PUF60: variants seen among roughly 807,000 people sequenced by gnomAD.
The protein encoded by PUF60 is poly(U)-binding-splicing factor PUF60.
A neutral mutation model predicts 61.8 loss-of-function variants in PUF60; 10 were observed. That is an observed-to-expected ratio of 0.16 (90% CI 0.10 to 0.27). The LOEUF (loss-of-function observed/expected upper bound fraction) is 0.27, where lower values mean the gene tolerates loss of function less well. Among genes scored for constraint, PUF60 ranks in the 10% least tolerant of loss-of-function variants. PUF60 has a pLI of 1.00. For missense variants in PUF60, 371 were observed against 754.0 expected, an observed-to-expected ratio of 0.49 and a Z score of 5.95; for synonymous variants, 353 against 300.9, an observed-to-expected ratio of 1.17 and a Z score of -1.79.
At chr8:143,829,112 G>GCGCGCGCCCGC (rs2130476987) in intron 1 of PUF60, 168 bp downstream of exon 1, 1 of 1,154,632 alleles carries the variant, frequency 8.7e-7, no homozygotes, top group African/African-American at 1.6e-5. Context: ...CCGGCCGCCG[G>GCGCGCGCCCGC]CGCGCGCCCG....
intron 4 of PUF60, among the ~76,000 whole-genome samples, chr8:143,820,944 G>T (rs188304129): frequency 6.6e-6 from 1 of 152,144 alleles, no homozygotes; most frequent in East Asian, 1.9e-4. Context: ...AAGGAAGGGA[G>T]GGAGGAAGGG....
chr8:143,827,031 C>T (rs941374656), intron 1 of PUF60: 35 of 283,406 alleles, frequency 1.2e-4, no homozygotes, highest in Non-Finnish European at 2.0e-4. Context: ...CTGCTTACTG[C>T]GTGCCCAGGC....
intron 1 of PUF60, among the ~76,000 whole-genome samples, chr8:143,828,247 T>C (rs1817864106): frequency 1.3e-5 from 2 of 152,352 alleles, no homozygotes; most frequent in Admixed American, 1.3e-4. Flanking sequence ...AATGGCAGTC[T>C]AAGGACACTC....
At chr8:143,823,115 C>A in intron 2 of PUF60, 1 of 165,502 alleles carries the variant, frequency 6.0e-6, no homozygotes, top group Non-Finnish European at 1.3e-5. Context: ...AGGTCAAAGG[C>A]TGGCTGTGGG....
At position 143,817,821 on chromosome 8, in the gene PUF60, C is replaced by T. The variant is rs190703462; in HGVS notation, c.818-39G>A. 3.1e-6 allele frequency: 5 copies of T among 1,607,488 alleles called. No individual in the cohort carries two copies. Among genetic ancestry groups the T allele is most frequent in the African/African-American group, 2.7e-5 (2 of 74,946 alleles). ...CAGCAGTGAGCAGGGCCAGCCCCAG[C>T]CTCAGGTGGCCCCCATCCCGCCTCA... On this transcript the variant is annotated intron_variant, in intron 8 of 11. Coordinates refer to ENST00000526683, the MANE Select transcript of PUF60 (RefSeq NM_078480.3). This position sits in a 1 kb window ranked among gnomAD's most constrained non-coding sequence, Gnocchi z 7.4.
chr8:143,817,681 T>C lies in PUF60; in HGVS notation c.919A>G (p.Met307Val), dbSNP rs1816520727. Residue 307 changes from methionine to valine, a missense_variant, in exon 9 of 12, where the codon ATG becomes GTG. This residue lies in a region of PUF60 where 17 missense variants were observed against 19.2 expected (regional missense o/e 0.89). Transcript: ENST00000526683. This position sits in a 1 kb window ranked among gnomAD's most constrained non-coding sequence, Gnocchi z 7.4. ...LRVGKAVTPP[M>V]PLLTPATPGG... is the part of the protein sequence containing the mutation. ...GGCGTGGCTGGTGTGAGTAGGGGCA[T>C]GGGCGGTGTGACAGCCTTGCCCACC... 1 of 1,612,622 alleles carries C rather than the reference T, an allele frequency of 6.2e-7. No individual in the cohort carries two copies. The highest frequency in any genetic ancestry group is 8.5e-7 in the Non-Finnish European group (1 of 1,179,858).
Position 143,824,417 on chromosome 8 carries a change from ATGT to A in PUF60, c.25-21_25-19del, listed in dbSNP as rs1375190480. On this transcript the variant is annotated intron_variant, in intron 1 of 11. Transcript: ENST00000526683. The stretch of plus-strand genomic sequence containing the variant: ...TTGACCTGCTGCAGGCAGGAAGGAG[ATGT>A]TGTAACGACAGGCACACCACCCCAC... 3.7e-6 allele frequency: 6 copies of A among 1,609,358 alleles called. No individual in the cohort carries two copies. Among genetic ancestry groups the A allele is most frequent in the Non-Finnish European group, 4.2e-6 (5 of 1,179,318 alleles).
At position 143,817,794 on chromosome 8, in the gene PUF60, A is replaced by C; in HGVS notation, c.818-12T>G. ...GGCCTTCTCGTACTCTGTGGGCAGGAGCAGCAGTGAGCAGGGCCAGCCCCA... is the reference window on the plus strand; with the variant it reads ...GGCCTTCTCGTACTCTGTGGGCAGGCGCAGCAGTGAGCAGGGCCAGCCCCA... On this transcript the variant is annotated splice_polypyrimidine_tract_variant and intron_variant, in intron 8 of 11. Transcript: ENST00000526683. This position sits in a 1 kb window ranked among gnomAD's most constrained non-coding sequence, Gnocchi z 7.4. 6.2e-7 allele frequency: 1 copy of C among 1,607,734 alleles called. No homozygotes were observed. The highest frequency in any genetic ancestry group is 8.5e-7 in the Non-Finnish European group (1 of 1,177,602).
rs753578133 is a variant in PUF60, at chr8:143,824,377, C to A, written c.47G>T (p.Gly16Val). ...CGCCGCCGCCGCCGGCTCGGACCCC[C>A]CTCCTTGCTGGCCATTGACCTGCTG... The part of the protein sequence containing the change: ...IALQVNGQQG[G>V]GSEPAAAAAV... The change falls in exon 2 of 12, where the codon GGG becomes GTG. Residue 16 changes from glycine (G) to valine (V), a missense_variant. Physicochemically the swap from Gly to Val is moderately radical, Grantham distance 109. Coordinates refer to ENST00000526683, the MANE Select transcript of PUF60 (RefSeq NM_078480.3). 3.7e-6 allele frequency: 6 copies of A among 1,612,272 alleles called. No individual in the cohort carries two copies. Among genetic ancestry groups the A allele is most frequent in the African/African-American group, 1.3e-5 (1 of 74,926 alleles).
At chr8:143,822,691 G>T in intron 2 of PUF60, 1 of 407,376 alleles carries the variant, frequency 2.5e-6, no homozygotes, top group African/African-American at 2.1e-5. Flanking sequence ...TGCCAACCAG[G>T]ATTATGTTTA....
intron 2 of PUF60, 72 bp downstream of exon 2, chr8:143,824,241 G>A: frequency 6.9e-7 from 1 of 1,449,278 alleles, no homozygotes; most frequent in South Asian, 1.3e-5. Context: ...TGGGCCCAGG[G>A]ACGCACAGGC....
chr8:143,818,563 C>T lies in PUF60; in HGVS notation c.349-29G>A, dbSNP rs1409050406. On this transcript the variant is annotated intron_variant, in intron 5 of 11. Transcript: ENST00000526683. This position sits in a 1 kb window ranked among gnomAD's most constrained non-coding sequence, Gnocchi z 7.9. ...CAGCAGGACAGAGGGGAGAGAACCGCTGGCTCGTCAGGGGCGGCAGGAAGC... is the reference window on the plus strand; with the variant it reads ...CAGCAGGACAGAGGGGAGAGAACCGTTGGCTCGTCAGGGGCGGCAGGAAGC... 1.1e-5 allele frequency: 17 copies of T among 1,547,318 alleles called. No homozygotes were observed. Among genetic ancestry groups the T allele is most frequent in the Non-Finnish European group, 1.5e-5 (17 of 1,144,114 alleles).
At position 143,818,697 on chromosome 8, in the gene PUF60, C is replaced by T. The variant is rs1192920145; in HGVS notation, c.349-163G>A. ...ATCCCTGCAGTCATAGTGTGGGGGT[C>T]GCAGGACCCCGCCACCCAAAGAAGG... On this transcript the variant is annotated intron_variant, in intron 5 of 11. Transcript: ENST00000526683. This position sits in a 1 kb window ranked among gnomAD's most constrained non-coding sequence, Gnocchi z 7.9. The T allele has an allele frequency of 9.6e-6, 7 of 731,740 alleles. No individual in the cohort carries two copies. Among genetic ancestry groups the T allele is most frequent in the Admixed American group, 6.1e-5 (2 of 33,004 alleles). 45.3% of individuals were successfully genotyped at this position (731,740 alleles called of 1,614,324 possible).
chr8:143,829,220 G>A, intron 1 of PUF60, 60 bp downstream of exon 1: 2 of 1,236,376 alleles, frequency 1.6e-6, no homozygotes, highest in Non-Finnish European at 2.0e-6. Context: ...GCCCAGGCTG[G>A]GTCGACGACC....
chr8:143,818,008 G>A lies in PUF60; in HGVS notation c.671C>T (p.Ala224Val). The A allele has an allele frequency of 1.9e-6, 3 of 1,612,868 alleles. No individual in the cohort carries two copies. Among genetic ancestry groups the A allele is most frequent in the Non-Finnish European group, 2.5e-6 (3 of 1,179,850 alleles). Residue 224 changes from alanine to valine, a missense_variant, in exon 8 of 12, where the codon GCC becomes GTC. By Grantham distance (64) the Ala-to-Val change is moderately conservative. Transcript: ENST00000526683. This position sits in a 1 kb window ranked among gnomAD's most constrained non-coding sequence, Gnocchi z 7.9. ...IIDQLAEEAR[A>V]FNRIYVASVH... ...AGAGGCCACGTAGATGCGGTTGAAG[G>A]CCCGTGCCTCCTCAGCCAACTGGTC...
At chr8:143,819,651 C>T (rs1227102651) in intron 5 of PUF60, among the ~76,000 whole-genome samples, 6 of 152,300 alleles carry the variant, frequency 3.9e-5, no homozygotes, top group East Asian at 1.9e-4. Context: ...TCCCTGAAAA[C>T]GAGACTGTGT....
At chr8:143,828,537 C>G (rs983117220) in intron 1 of PUF60, among the ~76,000 whole-genome samples, 27 of 152,314 alleles carry the variant, frequency 1.8e-4, no homozygotes, top group African/African-American at 5.8e-4. Flanking sequence ...GAGCAGGGGG[C>G]GACTCACTCC....
chr8:143,818,088 C>A lies in PUF60; in HGVS notation c.604-13G>T. 6.2e-7 allele frequency: 1 copy of A among 1,610,056 alleles called. No individual in the cohort carries two copies. The highest frequency in any genetic ancestry group is 8.5e-7 in the Non-Finnish European group (1 of 1,178,526). ...TGGGTCTGCCCACCTGGGGAAGAGG[C>A]GGTGAGATGGAAAGACCGGTCAACC... On this transcript the variant is annotated splice_polypyrimidine_tract_variant and intron_variant, in intron 7 of 11. Coordinates refer to ENST00000526683, the MANE Select transcript of PUF60 (RefSeq NM_078480.3). The surrounding 1 kb of genome is among the most constrained non-coding windows in gnomAD (Gnocchi z 7.9).
intron 1 of PUF60, chr8:143,827,144 G>T: frequency 3.1e-6 from 1 of 317,502 alleles, no homozygotes; most frequent in South Asian, 2.4e-5. Flanking sequence ...CAAAATCAAA[G>T]ATGACTTCTG....
Sources: gnomAD v4.1 joint callset for allele counts (sites outside exome capture counted in the v4.1 genomes callset) on GRCh38, gnomAD v4.1.1 for gene constraint, gnomAD v4.1.1 regional missense constraint, Gnocchi (gnomAD v3.1) non-coding constraint, MANE v1.5 for transcripts, NCBI Gene and HGNC (gene_info 2026-07-23, HGNC 2026-07-21) for gene names.